HLF: variants seen among roughly 807,000 people sequenced by gnomAD.
HLF encodes HLF transcription factor, PAR bZIP family member, also known as hepatic leukemia factor.
HLF carries 3 observed loss-of-function variants against 22.6 expected under a neutral mutation model. The observed-to-expected ratio is 0.13, with a 90% CI of 0.06 to 0.34. The LOEUF is 0.34. HLF is among the 10% of genes least tolerant of loss of function. The pLI is 1.00. For missense variants in HLF, 299 were observed against 389.2 expected, an observed-to-expected ratio of 0.77 and a Z score of 1.95; for synonymous variants, 151 against 151.8, an observed-to-expected ratio of 0.99 and a Z score of 0.04.
chr17:55,275,711 T>C (rs546144331), intron 2 of HLF, among the ~76,000 whole-genome samples: 1 of 152,298 alleles, frequency 6.6e-6, no homozygotes, highest in African/African-American at 2.4e-5. Context: ...AGCAACATCC[T>C]TGTTGGGTTT....
intron 2 of HLF, among the ~76,000 whole-genome samples, chr17:55,293,388 C>G (rs965707933): frequency 9.9e-5 from 15 of 152,134 alleles, no homozygotes; most frequent in Non-Finnish European, 2.2e-4. Flanking sequence ...CAGAGCTTCC[C>G]CCTTTATCTG....
chr17:55,309,793 GC>G (rs1310647516), intron 2 of HLF, among the ~76,000 whole-genome samples: 1 of 152,164 alleles, frequency 6.6e-6, no homozygotes, highest in African/African-American at 2.4e-5. Flanking sequence ...TTTATTAACT[GC>G]CTGAATGAGG....
chr17:55,278,225 C>T (rs1358946128), intron 2 of HLF, among the ~76,000 whole-genome samples: 1 of 152,200 alleles, frequency 6.6e-6, no homozygotes, highest in Non-Finnish European at 1.5e-5. Flanking sequence ...GTGCATGCTA[C>T]AGAAAGATGC....
chr17:55,292,300 G>A (rs551693889), intron 2 of HLF, among the ~76,000 whole-genome samples: 3 of 152,248 alleles, frequency 2.0e-5, no homozygotes, highest in East Asian at 1.9e-4. Context: ...CTTCATTGTC[G>A]TGTTATTTTA....
rs145422513 is a variant in HLF at position 55,322,979 on chromosome 17, C to A, written c.*2100C>A. ...TTTACGCTAGATTAAAATATCCTTT[C>A]ATCAATGGGATTTTCTAGTTTCCTG... On this transcript the variant is annotated 3_prime_UTR_variant, in exon 4 of 4. Coordinates refer to ENST00000226067, the MANE Select transcript of HLF (RefSeq NM_002126.5). The A allele has an allele frequency of 1.0e-4, 23 of 223,140 alleles. No homozygotes were observed. The highest frequency in any genetic ancestry group is 4.7e-4 in the African/African-American group (21 of 44,902). The allele number at this position is 223,140 out of a possible 1,614,324, so 13.8% of individuals were successfully genotyped here. A position where few individuals can be genotyped will look rare whatever the true frequency, so the allele number is the denominator to read the frequency against.
intron 1 of HLF, 50 bp downstream of exon 1, chr17:55,265,649 C>T: frequency 7.4e-7 from 1 of 1,360,464 alleles, no homozygotes; most frequent in East Asian, 2.5e-5. Flanking sequence ...CTCCGGGGGT[C>T]CCCCTCCGCG....
chr17:55,303,667 G>A (rs971388373), intron 2 of HLF, among the ~76,000 whole-genome samples: 2 of 152,204 alleles, frequency 1.3e-5, no homozygotes, highest in African/African-American at 2.4e-5. Context: ...AGGTTTAAGG[G>A]GTGGATTTTG....
chr17:55,306,537 AGTGTGTGTGTGTGTGTGT>A (rs60472672), intron 2 of HLF, among the ~76,000 whole-genome samples: 9 of 143,700 alleles, frequency 6.3e-5, no homozygotes, highest in Admixed American at 4.2e-4. Context: ...GCAAAAAGGA[AGTGTGTGTGTGTGTGTGT>A]GTGTGTGTGT....
chr17:55,304,297 C>T (rs1192196572), intron 2 of HLF, among the ~76,000 whole-genome samples: 3 of 152,172 alleles, frequency 2.0e-5, no homozygotes, highest in Admixed American at 6.5e-5. Context: ...TGGGGAGAGG[C>T]TCCCGGCCCA....
rs1009849498 is a variant in HLF, at chr17:55,324,858, CTTTAAT to C, written c.*3983_*3988del. Reference sequence around the variant, plus strand: ...GTGTGTGAATAAGTCGACATAAAGTCTTTAATTTTGAGCACCTTACCAAACATAACA... The same window carrying C: ...GTGTGTGAATAAGTCGACATAAAGTCTTTGAGCACCTTACCAAACATAACA... On this transcript the variant is annotated 3_prime_UTR_variant, in exon 4 of 4. Coordinates refer to ENST00000226067, the MANE Select transcript of HLF (RefSeq NM_002126.5). The C allele has an allele frequency of 4.3e-6, 1 of 232,732 alleles. No individual in the cohort carries two copies. Among genetic ancestry groups the C allele is most frequent in the African/African-American group, 2.2e-5 (1 of 45,178 alleles). 14.4% of individuals were successfully genotyped at this position (232,732 alleles called of 1,614,324 possible). A position where few individuals can be genotyped will look rare whatever the true frequency, so the allele number is the denominator to read the frequency against.
chr17:55,274,239 C>T (rs1344214899), intron 2 of HLF, among the ~76,000 whole-genome samples: 1 of 151,998 alleles, frequency 6.6e-6, no homozygotes, highest in Non-Finnish European at 1.5e-5. Context: ...ATCACTTTTA[C>T]CCAGGAATCA....
chr17:55,296,896 A>C (rs187582447), intron 2 of HLF, among the ~76,000 whole-genome samples: 1,581 of 151,668 alleles, frequency 0.01, 15 homozygotes, highest in Non-Finnish European at 0.016. Context: ...GTGAGGTTGG[A>C]GGGGAGCTAA....
chr17:55,311,000 C>T (rs1904803702), intron 2 of HLF, among the ~76,000 whole-genome samples: 1 of 152,102 alleles, frequency 6.6e-6, no homozygotes, highest in Non-Finnish European at 1.5e-5. Context: ...GGAGAGCATA[C>T]TGTGGGTGTA....
intron 2 of HLF, among the ~76,000 whole-genome samples, chr17:55,280,313 A>G (rs1204583731): frequency 3.9e-5 from 6 of 152,142 alleles, no homozygotes; most frequent in African/African-American, 1.2e-4. Flanking sequence ...GTGTTTTTAC[A>G]CCTGTGAGAA....
chr17:55,281,442 G>A (rs531000286), intron 2 of HLF, among the ~76,000 whole-genome samples: 1 of 152,324 alleles, frequency 6.6e-6, no homozygotes, highest in South Asian at 2.1e-4. Context: ...AAACCCGGGA[G>A]GCGGAGATTG....
At chr17:55,286,502 T>G (rs1460945692) in intron 2 of HLF, among the ~76,000 whole-genome samples, 1 of 152,212 alleles carries the variant, frequency 6.6e-6, no homozygotes, top group Non-Finnish European at 1.5e-5. Flanking sequence ...TGTCTGTTCT[T>G]GTAGGTGGCC....
At chr17:55,277,541 A>G (rs1272484907) in intron 2 of HLF, among the ~76,000 whole-genome samples, 2 of 149,246 alleles carry the variant, frequency 1.3e-5, no homozygotes, top group Non-Finnish European at 3.0e-5. Flanking sequence ...ACTGTACATC[A>G]TGCTTAGATA....
chr17:55,314,801 A>T (rs1256766091), intron 2 of HLF, among the ~76,000 whole-genome samples: 1 of 152,172 alleles, frequency 6.6e-6, no homozygotes, highest in African/African-American at 2.4e-5. Flanking sequence ...AGCACATGAG[A>T]ATTACTTCCA....
intron 2 of HLF, chr17:55,283,762 C>G (rs2080976165): frequency 6.6e-6 from 1 of 152,242 alleles, no homozygotes; most frequent in Admixed American, 6.5e-5. Flanking sequence ...GAGGCAGCCA[C>G]AAACCACAGG....
Sources: allele counts gnomAD v4.1 joint callset (sites outside exome capture counted in the v4.1 genomes callset), GRCh38; gene constraint gnomAD v4.1.1; transcripts MANE v1.5; gene names NCBI Gene and HGNC (gene_info 2026-07-23, HGNC 2026-07-21).